The following KCNJ2 variants were observed in gnomAD, a reference collection of about 807,000 sequenced individuals.
The protein encoded by KCNJ2 is inward rectifier potassium channel 2.
Under a neutral mutation model 28.4 loss-of-function variants are expected in KCNJ2, and 12 were observed. The observed-to-expected ratio is 0.42, with a 90% CI of 0.27 to 0.68. The LOEUF is 0.68. Ranked by LOEUF, KCNJ2 falls within the 30% of genes least tolerant of loss-of-function variation. The probability of loss-of-function intolerance (pLI) is 0.23; values close to 1 mark genes in which losing one functional copy is unlikely to be tolerated. For missense variants in KCNJ2, 320 were observed against 551.3 expected, an observed-to-expected ratio of 0.58 and a Z score of 4.20; for synonymous variants, 200 against 203.2, an observed-to-expected ratio of 0.98 and a Z score of 0.13.
At chr17:70,172,549 A>G (rs1403131322) in intron 1 of KCNJ2, among the ~76,000 whole-genome samples, 3 of 152,208 alleles carry the variant, frequency 2.0e-5, no homozygotes, top group Admixed American at 6.5e-5. Context: ...TCCTGGGGTC[A>G]AGATTTTTGG....
rs145779709 is a variant in KCNJ2, at chr17:70,177,991, A to AT, written c.*1678dup. 9,430 of 149,400 alleles carry AT rather than the reference A, an allele frequency of 0.063. 1,004 individuals are homozygous for AT. Among genetic ancestry groups the AT allele is most frequent in the African/African-American group, 0.23 (8,828 of 38,058 alleles). 9.3% of individuals were successfully genotyped at this position (149,400 alleles called of 1,614,324 possible). A position where few individuals can be genotyped will look rare whatever the true frequency, so the allele number is the denominator to read the frequency against. ...GGCTGACTGCCTTGCTAGAAACATA[A>AT]TTTTTTTTTTCTCACTGAAGCTCAA... On this transcript the variant is annotated 3_prime_UTR_variant, in exon 2 of 2. Coordinates refer to ENST00000243457, the MANE Select transcript of KCNJ2 (RefSeq NM_000891.3).
Position 70,174,932 on chromosome 17 carries a change from T to C in KCNJ2, c.-108T>C. 9.3e-7 allele frequency: 1 copy of C among 1,071,172 alleles called. No homozygotes were observed. Among genetic ancestry groups the C allele is most frequent in the South Asian group, 1.3e-5 (1 of 74,122 alleles). 66.4% of individuals were successfully genotyped at this position (1,071,172 alleles called of 1,614,324 possible). A position where few individuals can be genotyped will look rare whatever the true frequency, so the allele number is the denominator to read the frequency against. ...AGAGACACCCATCTCTCCTCATTTT[T>C]TTGGTGTGTGTGTCTTCACCGAACA... is the stretch of plus-strand genomic sequence containing the variant. On this transcript the variant is annotated 5_prime_UTR_variant, in exon 2 of 2. Coordinates refer to ENST00000243457, the MANE Select transcript of KCNJ2 (RefSeq NM_000891.3).
Position 70,175,255 on chromosome 17 carries a change from C to G in KCNJ2, c.216C>G (p.Ile72Met), listed in dbSNP as rs780636530. Residue 72 changes from isoleucine to methionine, a missense_variant, in exon 2 of 2, where the codon ATC becomes ATG. Ile to Met is a conservative substitution (Grantham distance 10). Coordinates refer to ENST00000243457, the MANE Select transcript of KCNJ2 (RefSeq NM_000891.3). The surrounding 1 kb of genome is among the most constrained non-coding windows in gnomAD (Gnocchi z 8.3). ...GEKGQRYLAD[I>M]FTTCVDIRWR... ...AGGGGCAACGGTACCTCGCAGACAT[C>G]TTCACCACGTGTGTGGACATTCGCT... 1 of 1,614,222 alleles carries G rather than the reference C, an allele frequency of 6.2e-7. No individual in the cohort carries two copies. Among genetic ancestry groups the G allele is most frequent in the Non-Finnish European group, 8.5e-7 (1 of 1,180,042 alleles).
Position 70,178,676 on chromosome 17 carries a change from G to A in KCNJ2, c.*2353G>A, listed in dbSNP as rs962312826. The stretch of plus-strand genomic sequence containing the variant: ...TGGGTATGGGGGGGGCAAGAAAGAG[G>A]GAGGGAAATCTTTCAACTTATTTCT... On this transcript the variant is annotated 3_prime_UTR_variant, in exon 2 of 2. Transcript: ENST00000243457. 1 of 166,404 alleles carries A rather than the reference G, an allele frequency of 6.0e-6. No individual in the cohort carries two copies. Among genetic ancestry groups the A allele is most frequent in the Non-Finnish European group, 1.5e-5 (1 of 68,010 alleles). The allele number at this position is 166,404 out of a possible 1,614,324, so 10.3% of individuals were successfully genotyped here.
Position 70,176,447 on chromosome 17 carries a change from G to A in KCNJ2, c.*124G>A, listed in dbSNP as rs886053325. 3.7e-5 allele frequency: 31 copies of A among 830,216 alleles called. No homozygotes were observed. The highest frequency in any genetic ancestry group is 5.2e-5 in the East Asian group (2 of 38,648). 51.4% of individuals were successfully genotyped at this position (830,216 alleles called of 1,614,324 possible). On this transcript the variant is annotated 3_prime_UTR_variant, in exon 2 of 2. Transcript: ENST00000243457. The stretch of plus-strand genomic sequence containing the variant: ...CAAGCAAGCGGCCACAAGGGACTGA[G>A]GCAAGCACAATGGTTTCAAAGAAAG...
chr17:70,176,353 T>C lies in KCNJ2; in HGVS notation c.*30T>C. The C allele has an allele frequency of 3.8e-6, 6 of 1,597,042 alleles. No individual in the cohort carries two copies. Among genetic ancestry groups the C allele is most frequent in the South Asian group, 1.1e-5 (1 of 90,758 alleles). ...CTGATTCCTTCTCTGGAATAGTTAC[T>C]TTACAACACGGTCTGTTGGTCAGAG... On this transcript the variant is annotated 3_prime_UTR_variant, in exon 2 of 2. Transcript: ENST00000243457.
chr17:70,175,247 G>A lies in KCNJ2; in HGVS notation c.208G>A (p.Ala70Thr), dbSNP rs375605948. ...NVGEKGQRYL[A>T]DIFTTCVDIR... ...GGGTGAGAAGGGGCAACGGTACCTC[G>A]CAGACATCTTCACCACGTGTGTGGA... The change falls in exon 2 of 2, where the codon GCA (alanine) becomes ACA (threonine). Residue 70 changes from alanine to threonine, a missense_variant. Ala to Thr is a moderately conservative substitution (Grantham distance 58, BLOSUM62 0). Around this residue, in one of 3 missense-constraint regions of KCNJ2, gnomAD observed 111 missense variants for 256.7 expected, o/e 0.43. Transcript: ENST00000243457. The surrounding 1 kb of genome is among the most constrained non-coding windows in gnomAD (Gnocchi z 8.3). 4.3e-6 allele frequency: 7 copies of A among 1,614,190 alleles called. No homozygotes were observed. The highest frequency in any genetic ancestry group is 2.7e-5 in the African/African-American group (2 of 75,048).
rs2074393615 is a variant in KCNJ2, at chr17:70,176,379, G to A, written c.*56G>A. 6.6e-7 allele frequency: 1 copy of A among 1,510,198 alleles called. No homozygotes were observed. The highest frequency in any genetic ancestry group is 1.4e-5 in the African/African-American group (1 of 72,954). The allele number at this position is 1,510,198 out of a possible 1,614,324, so 93.5% of individuals were successfully genotyped here. On this transcript the variant is annotated 3_prime_UTR_variant, in exon 2 of 2. Transcript: ENST00000243457. ...TTACAACACGGTCTGTTGGTCAGAGGCCCAAAACAGTTATACAGATGACGG... is the reference window on the plus strand; with the variant it reads ...TTACAACACGGTCTGTTGGTCAGAGACCCAAAACAGTTATACAGATGACGG...
At chr17:70,174,051 G>A (rs1567822524) in intron 1 of KCNJ2, among the ~76,000 whole-genome samples, 1 of 152,208 alleles carries the variant, frequency 6.6e-6, no homozygotes, top group Non-Finnish European at 1.5e-5. Context: ...AGTGTGAGAA[G>A]TGATGAAGCA....
intron 1 of KCNJ2, among the ~76,000 whole-genome samples, chr17:70,172,337 A>G (rs1432723707): frequency 7.5e-6 from 1 of 133,036 alleles, no homozygotes; most frequent in African/African-American, 3.0e-5. Flanking sequence ...AAAAAAAAAA[A>G]GCCCAAAACT....
At chr17:70,172,758 C>T (rs1419660616) in intron 1 of KCNJ2, among the ~76,000 whole-genome samples, 2 of 152,274 alleles carry the variant, frequency 1.3e-5, no homozygotes, top group African/African-American at 4.8e-5. Context: ...TCAATCAGAA[C>T]TCAAAAATAC....
Position 70,176,055 on chromosome 17 carries a change from T to C in KCNJ2, c.1016T>C (p.Val339Ala). The C allele has an allele frequency of 6.2e-7, 1 of 1,614,118 alleles. No individual in the cohort carries two copies. Among genetic ancestry groups the C allele is most frequent in the South Asian group, 1.1e-5 (1 of 91,088 alleles). ...TTTGAAGAGAAGCACTACTACAAAGTGGACTATTCCAGGTTCCACAAAACT... is the reference window on the plus strand; with the variant it reads ...TTTGAAGAGAAGCACTACTACAAAGCGGACTATTCCAGGTTCCACAAAACT... Reference protein sequence around the residue: ...VLFEEKHYYKVDYSRFHKTYE... With the variant: ...VLFEEKHYYKADYSRFHKTYE... Residue 339 changes from valine to alanine, a missense_variant, in exon 2 of 2, where the codon GTG becomes GCG. Physicochemically the swap from Val to Ala is moderately conservative, Grantham distance 64. Transcript: ENST00000243457.
chr17:70,175,056 C>G lies in KCNJ2; in HGVS notation c.17C>G (p.Thr6Ser). ...GCAGAAGCGATGGGCAGTGTGCGAA[C>G]CAACCGCTACAGCATCGTCTCTTCA... MGSVR[T>S]NRYSIVSSEE... is the part of the protein sequence containing the mutation. Residue 6 changes from threonine (T) to serine (S), a missense_variant, in exon 2 of 2, where the codon ACC (threonine) becomes AGC (serine). Physicochemically the swap from Thr to Ser is moderately conservative, Grantham distance 58. Coordinates refer to ENST00000243457, the MANE Select transcript of KCNJ2 (RefSeq NM_000891.3). The surrounding 1 kb of genome is among the most constrained non-coding windows in gnomAD (Gnocchi z 8.3). The G allele has an allele frequency of 1.2e-6, 2 of 1,614,118 alleles. No homozygotes were observed. The highest frequency in any genetic ancestry group is 1.1e-5 in the South Asian group (1 of 91,078).
rs370111593 is a variant in KCNJ2, at chr17:70,175,207, T to C, written c.168T>C (p.Val56=). The change falls in exon 2 of 2, where the codon GTT becomes GTC. Residue 56 remains valine, a synonymous_variant. Transcript: ENST00000243457. This position sits in a 1 kb window ranked among gnomAD's most constrained non-coding sequence, Gnocchi z 8.3. The part of the protein sequence containing the change: ...RFVKKDGHCN[V]QFINVGEKGQ... The stretch of plus-strand genomic sequence containing the variant: ...TGAAGAAAGATGGCCACTGTAATGT[T>C]CAGTTCATCAATGTGGGTGAGAAGG... 2.3e-5 allele frequency: 37 copies of C among 1,614,054 alleles called. No homozygotes were observed. In the African/African-American group the frequency reaches 4.4e-4, roughly 19 times the overall value.
chr17:70,176,422 C>A lies in KCNJ2; in HGVS notation c.*99C>A. ...GATGACGGTACTGGTCAAGATGGGT[C>A]AAGCAAGCGGCCACAAGGGACTGAG... On this transcript the variant is annotated 3_prime_UTR_variant, in exon 2 of 2. Coordinates refer to ENST00000243457, the MANE Select transcript of KCNJ2 (RefSeq NM_000891.3). 2 of 1,119,856 alleles carry A rather than the reference C, an allele frequency of 1.8e-6. No individual in the cohort carries two copies. Among genetic ancestry groups the A allele is most frequent in the South Asian group, 1.3e-5 (1 of 79,300 alleles). 69.4% of individuals were successfully genotyped at this position (1,119,856 alleles called of 1,614,324 possible).
chr17:70,176,179 T>C lies in KCNJ2; in HGVS notation c.1140T>C (p.Val380=), dbSNP rs1196896064. The change falls in exon 2 of 2, where the codon GTT becomes GTC. Residue 380 remains valine, a synonymous_variant. Transcript: ENST00000243457. ...ATTCATTTTGCTATGAAAATGAAGT[T>C]GCCCTCACAAGCAAAGAGGAAGACG... ...NANSFCYENE[V]ALTSKEEDDS... is the part of the protein sequence containing the mutation. 1 of 1,613,828 alleles carries C rather than the reference T, an allele frequency of 6.2e-7. No individual in the cohort carries two copies. The highest frequency in any genetic ancestry group is 1.3e-5 in the African/African-American group (1 of 74,848).
At position 70,179,797 on chromosome 17, in the gene KCNJ2, G is replaced by T. The variant is rs2074416985; in HGVS notation, c.*3474G>T. ...GTGGGAAAAAAAAAAGTGTGGCATAGCTACCTGCCCATCCCCAACCCTCAG... is the reference window on the plus strand; with the variant it reads ...GTGGGAAAAAAAAAAGTGTGGCATATCTACCTGCCCATCCCCAACCCTCAG... On this transcript the variant is annotated 3_prime_UTR_variant, in exon 2 of 2. Coordinates refer to ENST00000243457, the MANE Select transcript of KCNJ2 (RefSeq NM_000891.3). 1 of 166,902 alleles carries T rather than the reference G, an allele frequency of 6.0e-6. No homozygotes were observed. Among genetic ancestry groups the T allele is most frequent in the Non-Finnish European group, 1.5e-5 (1 of 68,094 alleles). 10.3% of individuals were successfully genotyped at this position (166,902 alleles called of 1,614,324 possible).
intron 1 of KCNJ2, among the ~76,000 whole-genome samples, chr17:70,173,686 A>G (rs1350844925): frequency 1.3e-5 from 2 of 152,202 alleles, no homozygotes; most frequent in Non-Finnish European, 2.9e-5. Flanking sequence ...TGCCTTCTCC[A>G]TAGGAACCTA....
rs2074410712 is a variant in KCNJ2, at chr17:70,178,871, G to A, written c.*2548G>A. 6.0e-6 allele frequency: 1 copy of A among 166,876 alleles called. No individual in the cohort carries two copies. The highest frequency in any genetic ancestry group is 2.4e-5 in the African/African-American group (1 of 41,394). 10.3% of individuals were successfully genotyped at this position (166,876 alleles called of 1,614,324 possible). On this transcript the variant is annotated 3_prime_UTR_variant, in exon 2 of 2. Transcript: ENST00000243457. ...TAAAGAAAAATAATTGCCATAGAAA[G>A]TATAATTTCAGTGCAGTAATTTCTG... is the stretch of plus-strand genomic sequence containing the variant.
Sources: allele counts gnomAD v4.1 joint callset (sites outside exome capture counted in the v4.1 genomes callset), GRCh38; gene constraint gnomAD v4.1.1; regional missense constraint gnomAD v4.1.1; non-coding constraint Gnocchi (gnomAD v3.1); transcripts MANE v1.5; gene names NCBI Gene and HGNC (gene_info 2026-07-23, HGNC 2026-07-21).